The following ADAMTS17 variants were observed in gnomAD, a reference collection of about 807,000 sequenced individuals.
The protein encoded by ADAMTS17 is ADAM metallopeptidase with thrombospondin type 1 motif 17, also known as A disintegrin and metalloproteinase with thrombospondin motifs 17.
ADAMTS17 carries 113 observed loss-of-function variants against 141.5 expected under a neutral mutation model. That is an observed-to-expected ratio of 0.80 (90% CI 0.69 to 0.93). The LOEUF (loss-of-function observed/expected upper bound fraction) is 0.93. ADAMTS17 is among the 40% of genes least tolerant of loss of function. The pLI is 0.00. For synonymous variants in ADAMTS17, 768 were observed against 630.6 expected, an observed-to-expected ratio of 1.22 and a Z score of -3.27; for missense variants, 1,659 against 1,517.9, an observed-to-expected ratio of 1.09 and a Z score of -1.54.
At chr15:100,025,528 C>T (rs551811177) in intron 18 of ADAMTS17, among the ~76,000 whole-genome samples, 3 of 151,912 alleles carry the variant, frequency 2.0e-5, no homozygotes, top group South Asian at 4.2e-4. Flanking sequence ...TCTCCTGCCT[C>T]AGCCTCCCCA....
intron 18 of ADAMTS17, among the ~76,000 whole-genome samples, chr15:100,043,924 T>C (rs1488986725): frequency 6.6e-6 from 1 of 152,262 alleles, no homozygotes; most frequent in East Asian, 1.9e-4. Context: ...ATGTTATCTA[T>C]CGTAGGCTTA....
At chr15:99,983,085 AG>A (rs771031906) in intron 20 of ADAMTS17, among the ~76,000 whole-genome samples, 1 of 152,242 alleles carries the variant, frequency 6.6e-6, no homozygotes. Context: ...AAAAGGTGTT[AG>A]GTTCCCCAGA....
intron 15 of ADAMTS17, among the ~76,000 whole-genome samples, chr15:100,075,295 T>G (rs1199099308): frequency 5.9e-5 from 9 of 152,232 alleles, no homozygotes; most frequent in Non-Finnish European, 4.4e-5. Flanking sequence ...TTAATGTTTG[T>G]TATGCATTTT....
chr15:100,196,093 T>C (rs1411443836), intron 8 of ADAMTS17, among the ~76,000 whole-genome samples: 1 of 152,242 alleles, frequency 6.6e-6, no homozygotes, highest in Non-Finnish European at 1.5e-5. Context: ...ATCACTAGTA[T>C]GTTATTAATT....
chr15:100,201,073 A>T (rs1416314366), intron 7 of ADAMTS17, among the ~76,000 whole-genome samples: 1 of 152,192 alleles, frequency 6.6e-6, no homozygotes, highest in African/African-American at 2.4e-5. Flanking sequence ...GCCCCCAAAG[A>T]GCTAAACCAA....
chr15:100,334,345 C>T (rs2046143741), intron 2 of ADAMTS17, among the ~76,000 whole-genome samples: 1 of 152,194 alleles, frequency 6.6e-6, no homozygotes, highest in Admixed American at 6.5e-5. Context: ...CACGATTCCA[C>T]AAAGACCGCA....
chr15:99,977,521 C>T (rs1209267725), intron 20 of ADAMTS17, among the ~76,000 whole-genome samples: 1 of 146,510 alleles, frequency 6.8e-6, no homozygotes, highest in Non-Finnish European at 1.5e-5. Flanking sequence ...TGAAGTGATT[C>T]CCCTGCCTCA....
chr15:100,301,460 G>T (rs952423878), intron 3 of ADAMTS17, among the ~76,000 whole-genome samples: 1 of 150,988 alleles, frequency 6.6e-6, no homozygotes, highest in Admixed American at 6.6e-5. Flanking sequence ...AAGTAGCTGG[G>T]ACTACAGGCG....
At chr15:100,215,021 C>G (rs1419925888) in intron 7 of ADAMTS17, among the ~76,000 whole-genome samples, 2 of 152,208 alleles carry the variant, frequency 1.3e-5, no homozygotes, top group Non-Finnish European at 2.9e-5. Context: ...GAAATAAAGA[C>G]TAATTCCAAC....
chr15:100,145,482 T>A (rs907238370), intron 10 of ADAMTS17, among the ~76,000 whole-genome samples: 2 of 152,158 alleles, frequency 1.3e-5, no homozygotes. Context: ...GCATCAAAGT[T>A]CCCTCTGCAA....
At chr15:100,035,944 A>G (rs1219671982) in intron 18 of ADAMTS17, among the ~76,000 whole-genome samples, 3 of 152,222 alleles carry the variant, frequency 2.0e-5, no homozygotes. Flanking sequence ...GCTCAGAGAC[A>G]TAGGGGGTCC....
chr15:100,287,493 C>G (rs552674961), intron 3 of ADAMTS17, among the ~76,000 whole-genome samples: 1 of 152,272 alleles, frequency 6.6e-6, no homozygotes, highest in Non-Finnish European at 1.5e-5. Context: ...ATTCCCCCAA[C>G]CTCACTAGAG....
At chr15:100,302,977 C>T (rs368501240) in intron 3 of ADAMTS17, among the ~76,000 whole-genome samples, 14 of 151,918 alleles carry the variant, frequency 9.2e-5, no homozygotes, top group Non-Finnish European at 1.3e-4. Context: ...CCTCAAACAT[C>T]GGACTCCAAG....
chr15:100,292,639 C>T (rs2044685543), intron 3 of ADAMTS17, among the ~76,000 whole-genome samples: 1 of 152,062 alleles, frequency 6.6e-6, no homozygotes, highest in African/African-American at 2.4e-5. Context: ...GAACTGCCCA[C>T]CAAGCACTGA....
intron 4 of ADAMTS17, among the ~76,000 whole-genome samples, chr15:100,266,496 G>A (rs2043721404): frequency 6.6e-6 from 1 of 152,158 alleles, no homozygotes; most frequent in Non-Finnish European, 1.5e-5. Context: ...ACACTAACTG[G>A]AGCCCATCCC....
intron 10 of ADAMTS17, among the ~76,000 whole-genome samples, chr15:100,138,171 G>A (rs552603786): frequency 2.8e-4 from 43 of 152,266 alleles, no homozygotes; most frequent in South Asian, 4.1e-4. Flanking sequence ...GCTAGAAGCA[G>A]CCCCTTTTCA....
intron 4 of ADAMTS17, among the ~76,000 whole-genome samples, chr15:100,279,396 C>G (rs2044208465): frequency 1.3e-5 from 2 of 152,238 alleles, no homozygotes. Flanking sequence ...TTGGCTGCAG[C>G]TGGCCCAAAG....
At chr15:100,127,044 G>A (rs1416773262) in intron 12 of ADAMTS17, among the ~76,000 whole-genome samples, 1 of 152,202 alleles carries the variant, frequency 6.6e-6, no homozygotes, top group Admixed American at 6.5e-5. Context: ...CCAAAGAAAG[G>A]AAAAGGGTAA....
At chr15:100,097,588 G>A (rs1406063418) in intron 14 of ADAMTS17, among the ~76,000 whole-genome samples, 2 of 152,236 alleles carry the variant, frequency 1.3e-5, no homozygotes, top group Admixed American at 6.5e-5. Flanking sequence ...ACTCCCCAAA[G>A]ACATCAGCAT....
Sources: allele counts gnomAD v4.1 joint callset (sites outside exome capture counted in the v4.1 genomes callset), GRCh38; gene constraint gnomAD v4.1.1; transcripts MANE v1.5; gene names NCBI Gene and HGNC (gene_info 2026-07-23, HGNC 2026-07-21).